Variants in THSD7B observed in about 807,000 individuals in gnomAD.
THSD7B encodes thrombospondin type 1 domain containing 7B, also known as thrombospondin type-1 domain-containing protein 7B.
THSD7B carries 138 observed loss-of-function variants against 213.6 expected under a neutral mutation model. The observed-to-expected ratio is 0.65, with a 90% confidence interval of 0.56 to 0.74. THSD7B has a LOEUF of 0.74. Among genes scored for constraint, THSD7B ranks in the 30% least tolerant of loss-of-function variants. The probability of loss-of-function intolerance (pLI) is 0.00; values close to 1 mark genes in which losing one functional copy is unlikely to be tolerated. For missense variants in THSD7B, 1,931 were observed against 1,991.5 expected, an observed-to-expected ratio of 0.97 and a Z score of 0.58; for synonymous variants, 742 against 687.0, an observed-to-expected ratio of 1.08 and a Z score of -1.25.
At chr2:136,773,780 G>T (rs957113006) in intron 1 of THSD7B, among the ~76,000 whole-genome samples, 27 of 151,878 alleles carry the variant, frequency 1.8e-4, no homozygotes, top group African/African-American at 6.5e-4. Flanking sequence ...GTACATACCA[G>T]ACTACATAGT....
intron 1 of THSD7B, among the ~76,000 whole-genome samples, chr2:136,794,894 T>C (rs1354165696): frequency 2.0e-5 from 3 of 152,002 alleles, no homozygotes; most frequent in Non-Finnish European, 1.5e-5. Context: ...TTGACACTTG[T>C]ACACTTATAA....
intron 15 of THSD7B, among the ~76,000 whole-genome samples, chr2:137,527,617 T>G (rs1680302656): frequency 6.6e-6 from 1 of 151,942 alleles, no homozygotes; most frequent in African/African-American, 2.4e-5. Context: ...TCTATGACAT[T>G]TGGGTGGTGT....
At chr2:136,830,122 G>A (rs1037192205) in intron 1 of THSD7B, among the ~76,000 whole-genome samples, 5 of 150,836 alleles carry the variant, frequency 3.3e-5, no homozygotes, top group African/African-American at 9.9e-5. Flanking sequence ...ATGCCTGTGC[G>A]CGCACACACA....
At chr2:137,009,896 T>A (rs141304368) in intron 2 of THSD7B, among the ~76,000 whole-genome samples, 75 of 152,346 alleles carry the variant, frequency 4.9e-4, no homozygotes, top group African/African-American at 1.7e-3. Context: ...TGGCACACAA[T>A]TGACATTTCA....
intron 7 of THSD7B, among the ~76,000 whole-genome samples, chr2:137,184,861 A>G (rs949006902): frequency 2.6e-5 from 4 of 152,184 alleles, no homozygotes; most frequent in Non-Finnish European, 5.9e-5. Context: ...TGGAAGTGAT[A>G]ATAGGCATTT....
At chr2:137,403,803 A>G (rs1425603078) in intron 12 of THSD7B, among the ~76,000 whole-genome samples, 2 of 152,232 alleles carry the variant, frequency 1.3e-5, no homozygotes, top group Non-Finnish European at 2.9e-5. Flanking sequence ...ACATTTGGCA[A>G]TGCCTGGAGA....
At chr2:136,929,328 G>T (rs769648169) in intron 2 of THSD7B, among the ~76,000 whole-genome samples, 1 of 152,156 alleles carries the variant, frequency 6.6e-6, no homozygotes, top group South Asian at 2.1e-4. Flanking sequence ...CTAAATCAGA[G>T]ATTGTTTCCT....
At chr2:137,657,298 A>T in intron 24 of THSD7B, 138 bp downstream of exon 24, 3 of 726,924 alleles carry the variant, frequency 4.1e-6, no homozygotes, top group Non-Finnish European at 4.3e-6. Flanking sequence ...ACAAATTTTC[A>T]TTAGACGTTT....
chr2:137,181,821 T>G (rs1224066691), intron 7 of THSD7B, among the ~76,000 whole-genome samples: 1 of 152,158 alleles, frequency 6.6e-6, no homozygotes, highest in Non-Finnish European at 1.5e-5. Flanking sequence ...CCATAAGGCA[T>G]GGTGATATTG....
chr2:137,518,912 C>T (rs1680126163), intron 15 of THSD7B, among the ~76,000 whole-genome samples: 2 of 152,128 alleles, frequency 1.3e-5, no homozygotes, highest in Admixed American at 1.3e-4. Flanking sequence ...TTATATTGGA[C>T]CTCTTCCATC....
At chr2:137,645,719 G>A (rs537323521) in intron 21 of THSD7B, among the ~76,000 whole-genome samples, 1 of 151,368 alleles carries the variant, frequency 6.6e-6, no homozygotes, top group African/African-American at 2.4e-5. Flanking sequence ...TTACCTAAGG[G>A]TCCATGTATC....
chr2:136,869,816 G>A (rs1019254752), intron 1 of THSD7B, among the ~76,000 whole-genome samples: 1 of 152,218 alleles, frequency 6.6e-6, no homozygotes, highest in Non-Finnish European at 1.5e-5. Flanking sequence ...GCTCACGCCT[G>A]TAATCCCAGC....
At chr2:137,185,319 T>C (rs1010942169) in intron 7 of THSD7B, among the ~76,000 whole-genome samples, 4 of 152,132 alleles carry the variant, frequency 2.6e-5, no homozygotes, top group African/African-American at 9.7e-5. Flanking sequence ...TATTGTGTGA[T>C]GCTGATGTTT....
At chr2:137,177,778 G>T (rs1351230875) in intron 7 of THSD7B, among the ~76,000 whole-genome samples, 1 of 152,052 alleles carries the variant, frequency 6.6e-6, no homozygotes, top group Non-Finnish European at 1.5e-5. Context: ...TTAGAATCAA[G>T]AATAGTATTG....
intron 7 of THSD7B, among the ~76,000 whole-genome samples, chr2:137,178,268 G>A (rs141601161): frequency 1.5e-3 from 220 of 151,702 alleles, no homozygotes; most frequent in African/African-American, 5.0e-3. Context: ...TTCTCTTGCA[G>A]GAACAGAAGA....
chr2:137,565,860 A>G (rs978586018), intron 16 of THSD7B, among the ~76,000 whole-genome samples: 7 of 152,158 alleles, frequency 4.6e-5, no homozygotes, highest in Admixed American at 3.9e-4. Context: ...TTATGTCCCA[A>G]TGGCTCCATC....
intron 2 of THSD7B, among the ~76,000 whole-genome samples, chr2:137,033,716 G>A (rs1686718471): frequency 6.6e-6 from 1 of 151,904 alleles, no homozygotes; most frequent in Non-Finnish European, 1.5e-5. Context: ...GGGTTCAAGC[G>A]ATTCTCCTGC....
In THSD7B at chr2:137,656,954, A is replaced by C; in HGVS notation, c.4264A>C (p.Thr1422Pro). The change falls in exon 23 of 28, where the codon ACA becomes CCA. Residue 1422 changes from threonine to proline, a missense_variant. By Grantham distance (38) the Thr-to-Pro change is conservative. Transcript: ENST00000409968. ...QDSCPQQVLE[T>P]RPCTGGKCYH... is the part of the protein sequence containing the mutation. Reference sequence around the variant, plus strand: ...CAGCTGCCCCCAACAGGTTCTAGAAACACGCCCTTGTACAGGTACCAAGAG... The same window carrying C: ...CAGCTGCCCCCAACAGGTTCTAGAACCACGCCCTTGTACAGGTACCAAGAG... The C allele has an allele frequency of 6.2e-7, 1 of 1,614,004 alleles. No homozygotes were observed. Among genetic ancestry groups the C allele is most frequent in the Non-Finnish European group, 8.5e-7 (1 of 1,179,872 alleles).
intron 12 of THSD7B, among the ~76,000 whole-genome samples, chr2:137,401,377 C>T (rs891804818): frequency 3.3e-5 from 5 of 152,078 alleles, no homozygotes; most frequent in African/African-American, 1.2e-4. Flanking sequence ...CTTGCTATTT[C>T]TTTAGTATTT....
Sources: gnomAD v4.1 joint callset for allele counts (sites outside exome capture counted in the v4.1 genomes callset) on GRCh38, gnomAD v4.1.1 for gene constraint, MANE v1.5 for transcripts, NCBI Gene and HGNC (gene_info 2026-07-23, HGNC 2026-07-21) for gene names.